PTPRD: variants seen among roughly 807,000 people sequenced by gnomAD.
PTPRD encodes the protein protein tyrosine phosphatase receptor type D.
A neutral mutation model predicts 214.5 loss-of-function variants in PTPRD; 34 were observed. That is an observed-to-expected ratio of 0.16 (90% CI 0.12 to 0.21). The LOEUF (loss-of-function observed/expected upper bound fraction) is 0.21, where lower values mean the gene tolerates loss of function less well. PTPRD is among the 10% of genes least tolerant of loss of function. The probability of loss-of-function intolerance (pLI) is 1.00; values close to 1 mark genes in which losing one functional copy is unlikely to be tolerated. For missense variants in PTPRD, 2,545 were observed against 2,398.7 expected, an observed-to-expected ratio of 1.06 and a Z score of -1.27; for synonymous variants, 1,128 against 845.7, an observed-to-expected ratio of 1.33 and a Z score of -5.79.
At chr9:9,960,428 T>A (rs1016566963) in intron 4 of PTPRD, among the ~76,000 whole-genome samples, 1 of 152,092 alleles carries the variant, frequency 6.6e-6, no homozygotes, top group African/African-American at 2.4e-5. Flanking sequence ...GTGGCCTCTA[T>A]GTAGGGACTT....
At chr9:8,528,455 A>T (rs749741418) in intron 15 of PTPRD, 136 bp downstream of exon 15, 2 of 783,806 alleles carry the variant, frequency 2.6e-6, no homozygotes, top group Non-Finnish European at 4.3e-6. Flanking sequence ...ACCACCCATT[A>T]AGTAACAGAG....
chr9:9,688,540 C>A (rs1205794839), intron 7 of PTPRD, among the ~76,000 whole-genome samples: 1 of 151,770 alleles, frequency 6.6e-6, no homozygotes, highest in African/African-American at 2.4e-5. Context: ...AGGTATACAA[C>A]AGTCATAAAT....
chr9:10,051,621 C>T (rs940416085), intron 3 of PTPRD, among the ~76,000 whole-genome samples: 2 of 151,470 alleles, frequency 1.3e-5, no homozygotes, highest in Non-Finnish European at 2.9e-5. Flanking sequence ...CCACAACAGT[C>T]CCCGGTGTGT....
chr9:9,301,032 G>C (rs1955085731), intron 9 of PTPRD, among the ~76,000 whole-genome samples: 1 of 151,670 alleles, frequency 6.6e-6, no homozygotes, highest in Admixed American at 6.6e-5. Flanking sequence ...TCTCAATGGA[G>C]CCTTATTCAG....
intron 8 of PTPRD, among the ~76,000 whole-genome samples, chr9:9,414,041 C>T (rs1039527570): frequency 6.6e-6 from 1 of 152,194 alleles, no homozygotes; most frequent in Non-Finnish European, 1.5e-5. Context: ...TTGCATAGCT[C>T]TATTGAGAAT....
At chr9:9,967,456 G>C (rs997668369) in intron 4 of PTPRD, among the ~76,000 whole-genome samples, 2 of 152,152 alleles carry the variant, frequency 1.3e-5, no homozygotes, top group African/African-American at 4.8e-5. Context: ...AGAATCATTG[G>C]TTGAGAGAGG....
At chr9:8,577,910 C>T (rs549159422) in intron 14 of PTPRD, among the ~76,000 whole-genome samples, 1 of 152,106 alleles carries the variant, frequency 6.6e-6, no homozygotes, top group South Asian at 2.1e-4. Flanking sequence ...TGTTTAAGGA[C>T]CCCTTTTCTA....
At chr9:10,150,564 G>C (rs1228850606) in intron 3 of PTPRD, among the ~76,000 whole-genome samples, 1 of 151,602 alleles carries the variant, frequency 6.6e-6, no homozygotes, top group African/African-American at 2.4e-5. Context: ...TAATGTAACT[G>C]ACCAGTTAAT....
rs201902339 is a variant in PTPRD, at chr9:8,839,308, A to ATTTG, written c.-103-105363_-103-105362insCAAA. 2.3e-3 allele frequency among the ~76,000 whole-genome samples: 343 copies of ATTTG among 148,662 alleles called. 1 individual carries two copies. Among genetic ancestry groups the ATTTG allele is most frequent in the African/African-American group, 8.5e-3 (332 of 39,176 alleles). ...CAGATTGACCAAGGGGATTTTATTT[A>ATTTG]TTTATTTATTTATTTATTTATTTAT... On this transcript the variant is annotated intron_variant, in intron 11 of 45. Coordinates refer to ENST00000381196, the MANE Select transcript of PTPRD (RefSeq NM_002839.4).
chr9:9,085,889 G>GGATT (rs1267102234), intron 10 of PTPRD, among the ~76,000 whole-genome samples: 1 of 152,132 alleles, frequency 6.6e-6, no homozygotes, highest in East Asian at 1.9e-4. Flanking sequence ...TCCCCAGGAA[G>GGATT]GATTATCAGT....
intron 9 of PTPRD, among the ~76,000 whole-genome samples, chr9:9,245,937 G>T (rs1382930580): frequency 6.6e-6 from 1 of 152,054 alleles, no homozygotes; most frequent in Non-Finnish European, 1.5e-5. Flanking sequence ...ATTTTTAAAA[G>T]TCCAGTCTGA....
At chr9:10,330,372 G>A (rs778295559) in intron 3 of PTPRD, among the ~76,000 whole-genome samples, 51 of 151,726 alleles carry the variant, frequency 3.4e-4, no homozygotes, top group African/African-American at 7.3e-4. Context: ...AAATTCTCAC[G>A]GAGACCAATT....
chr9:10,453,921 C>G (rs913409517), intron 2 of PTPRD, among the ~76,000 whole-genome samples: 1 of 151,594 alleles, frequency 6.6e-6, no homozygotes, highest in Non-Finnish European at 1.5e-5. Context: ...GAGCGTGAGT[C>G]AGCTGTAGGC....
intron 11 of PTPRD, among the ~76,000 whole-genome samples, chr9:8,742,861 G>A (rs1334799136): frequency 6.6e-6 from 1 of 152,156 alleles, no homozygotes; most frequent in Non-Finnish European, 1.5e-5. Flanking sequence ...TGGGCCAGCT[G>A]TAAAAGTGAC....
rs576458191 is a variant in PTPRD at position 9,931,638 on chromosome 9, C to G, written c.-368+6869G>C. 4.6e-5 allele frequency among the ~76,000 whole-genome samples: 7 copies of G among 151,404 alleles called. No individual in the cohort carries two copies. The South Asian group carries it at 1.1e-3, about 23-fold the overall frequency. The stretch of plus-strand genomic sequence containing the variant: ...CTGAGATCAAACTGCAAGACGGCAA[C>G]GAGGCTGGGGGAGGGGCGCCCACCA... On this transcript the variant is annotated intron_variant, in intron 5 of 45. Coordinates refer to ENST00000381196, the MANE Select transcript of PTPRD (RefSeq NM_002839.4).
chr9:10,257,872 A>G (rs1331919616), intron 3 of PTPRD, among the ~76,000 whole-genome samples: 1 of 152,222 alleles, frequency 6.6e-6, no homozygotes, highest in Non-Finnish European at 1.5e-5. Flanking sequence ...TAGAAAAACT[A>G]AAATAAAACA....
intron 37 of PTPRD, 82 bp downstream of exon 37, chr9:8,389,150 G>T: frequency 2.4e-6 from 3 of 1,236,410 alleles, no homozygotes; most frequent in Non-Finnish European, 2.2e-6. Flanking sequence ...GGAAAGGTTA[G>T]ATTCTGAACA....
intron 12 of PTPRD, among the ~76,000 whole-genome samples, chr9:8,710,056 C>A (rs1274040615): frequency 6.6e-6 from 1 of 152,182 alleles, no homozygotes; most frequent in Non-Finnish European, 1.5e-5. Context: ...AATAAGGGTT[C>A]TTAAAACACA....
intron 2 of PTPRD, among the ~76,000 whole-genome samples, chr9:10,571,249 G>C (rs1029634335): frequency 6.6e-6 from 1 of 152,014 alleles, no homozygotes; most frequent in Non-Finnish European, 1.5e-5. Flanking sequence ...TAGATACGAA[G>C]AAAATTAATT....
Sources: gnomAD v4.1 joint callset for allele counts (sites outside exome capture counted in the v4.1 genomes callset) on GRCh38, gnomAD v4.1.1 for gene constraint, MANE v1.5 for transcripts, NCBI Gene and HGNC (gene_info 2026-07-23, HGNC 2026-07-21) for gene names.